The following TTC23L variants were observed in gnomAD, a reference collection of about 807,000 sequenced individuals.
TTC23L encodes the protein tetratricopeptide repeat domain 23 like.
In TTC23L, 42 loss-of-function variants were observed where a neutral mutation model predicts 48.1. The observed-to-expected ratio is 0.87, with a 90% confidence interval of 0.68 to 1.13. The LOEUF (loss-of-function observed/expected upper bound fraction) is 1.13, where lower values mean the gene tolerates loss of function less well. TTC23L is among the 50% of genes most tolerant of loss of function. The pLI, the probability that TTC23L is intolerant of heterozygous loss-of-function variation, is 0.00. For synonymous variants in TTC23L, 159 were observed against 157.2 expected, an observed-to-expected ratio of 1.01 and a Z score of -0.09; for missense variants, 391 against 421.0, an observed-to-expected ratio of 0.93 and a Z score of 0.62.
intron 8 of TTC23L, chr5:34,869,572 A>G (rs140982691): frequency 1.1e-3 from 178 of 161,598 alleles, no homozygotes; most frequent in African/African-American, 4.0e-3. Flanking sequence ...AAATGAACCA[A>G]TGAGGGAGGA....
intron 4 of TTC23L, among the ~76,000 whole-genome samples, chr5:34,858,623 A>G (rs1479431765): frequency 6.6e-6 from 1 of 152,104 alleles, no homozygotes; most frequent in Non-Finnish European, 1.5e-5. Context: ...ATTGTGTACA[A>G]CAGTATTGAT....
At chr5:34,908,746 T>C in the TTC23L span, 24 of 1,565,982 alleles carry the variant, frequency 1.5e-5, no homozygotes, top group Non-Finnish European at 1.9e-5. Context: ...TACACATAAA[T>C]ATCAGTGAAT....
At chr5:34,880,269 A>C (rs1762134359) in exon 9 of TTC23L, 2 of 1,613,360 alleles carry the variant, frequency 1.2e-6, no homozygotes, top group East Asian at 4.5e-5. Flanking sequence ...GCACCACTGA[A>C]GAATTTTGCA....
At chr5:34,875,804 A>G (rs1215087357) in intron 8 of TTC23L, among the ~76,000 whole-genome samples, 1 of 152,154 alleles carries the variant, frequency 6.6e-6, no homozygotes, top group African/African-American at 2.4e-5. Flanking sequence ...ATTGACATCT[A>G]TTGACTACTG....
Position 34,868,756 on chromosome 5 carries a change from A to T in TTC23L, c.841-149A>T, listed in dbSNP as rs184098455. On this transcript the variant is annotated intron_variant, in intron 7 of 10. Coordinates refer to ENST00000505624, the Ensembl canonical transcript of TTC23L. ...CCAAACCCTAATCAGTGGGAATTATATATTCCTTCTACGAATGAAGGTGAA... is the reference window on the plus strand; with the variant it reads ...CCAAACCCTAATCAGTGGGAATTATTTATTCCTTCTACGAATGAAGGTGAA... 4.9e-4 allele frequency: 324 copies of T among 663,814 alleles called. No homozygotes were observed. In the African/African-American group the frequency reaches 5.3e-3, roughly 11 times the overall value. 41.1% of individuals were successfully genotyped at this position (663,814 alleles called of 1,614,324 possible).
At chr5:34,872,975 C>T (rs995326524) in intron 8 of TTC23L, among the ~76,000 whole-genome samples, 1 of 151,776 alleles carries the variant, frequency 6.6e-6, no homozygotes. Context: ...AGACAGGAGA[C>T]TTGCTTGAGC....
rs375509802 is a variant in TTC23L, at chr5:34,863,074, T to C, written c.536+20T>C. 4.3e-6 allele frequency: 7 copies of C among 1,613,268 alleles called. No individual in the cohort carries two copies. The Admixed American group carries it at 5.0e-5, about 12-fold the overall frequency. ...GAACCGATATCCTTCCATTCCTAGC[T>C]GCGTTTAGTGTTCGGGGCCACAGGC... On this transcript the variant is annotated intron_variant, in intron 5 of 10. Coordinates refer to ENST00000505624, the Ensembl canonical transcript of TTC23L. This position sits in a 1 kb window ranked among gnomAD's most constrained non-coding sequence, Gnocchi z 4.1.
intron 8 of TTC23L, among the ~76,000 whole-genome samples, chr5:34,879,547 AAT>A (rs1351330172): frequency 6.6e-6 from 1 of 152,208 alleles, no homozygotes; most frequent in Non-Finnish European, 1.5e-5. Flanking sequence ...TTTAGCTAAA[AAT>A]ATAGTCTTGC....
chr5:34,896,983 C>A, intron 10 of TTC23L, 108 bp downstream of exon 10: 2 of 514,282 alleles, frequency 3.9e-6, no homozygotes, highest in Non-Finnish European at 7.0e-6. Flanking sequence ...AAGAAAGGCT[C>A]TGTAGCAGAA....
intron 8 of TTC23L, among the ~76,000 whole-genome samples, chr5:34,874,234 A>T (rs934251480): frequency 2.0e-5 from 3 of 152,188 alleles, no homozygotes; most frequent in Non-Finnish European, 4.4e-5. Flanking sequence ...ATATTAAAAG[A>T]AGTTCTTCAG....
At chr5:34,845,421 T>TC (rs1466737305) in intron 2 of TTC23L, 66 bp from the exon 3 acceptor site, 1 of 1,520,660 alleles carries the variant, frequency 6.6e-7, no homozygotes, top group East Asian at 2.3e-5. Context: ...GCTATGCCCT[T>TC]CAATTTTACC....
the TTC23L span, chr5:34,925,177 A>G: frequency 1.3e-6 from 2 of 1,500,424 alleles, no homozygotes; most frequent in Non-Finnish European, 1.8e-6. Context: ...CTTATATAAA[A>G]TGTTTATTTT....
chr5:34,848,686 G>A (rs1759419157), intron 3 of TTC23L, among the ~76,000 whole-genome samples: 1 of 152,066 alleles, frequency 6.6e-6, no homozygotes, highest in African/African-American at 2.4e-5. Flanking sequence ...CAAGCAGTGG[G>A]AGCAGCACGT....
At chr5:34,873,173 A>G (rs549370331) in intron 8 of TTC23L, among the ~76,000 whole-genome samples, 1 of 152,360 alleles carries the variant, frequency 6.6e-6, no homozygotes, top group South Asian at 2.1e-4. Flanking sequence ...ATACAAAATA[A>G]TACTATTGTT....
intron 3 of TTC23L, among the ~76,000 whole-genome samples, chr5:34,846,596 T>C (rs1468770437): frequency 2.3e-5 from 3 of 131,066 alleles, no homozygotes; most frequent in Admixed American, 7.6e-5. Context: ...TATATATATA[T>C]ATATACACAC....
intron 9 of TTC23L, among the ~76,000 whole-genome samples, chr5:34,881,014 T>A (rs1001232883): frequency 2.6e-5 from 4 of 152,196 alleles, no homozygotes; most frequent in African/African-American, 7.2e-5. Context: ...CTGTAAAATG[T>A]TATTTTTGGT....
At chr5:34,841,592 A>G (rs1758678240) in intron 2 of TTC23L, among the ~76,000 whole-genome samples, 1 of 152,210 alleles carries the variant, frequency 6.6e-6, no homozygotes, top group Non-Finnish European at 1.5e-5. Context: ...ATCACGGCTC[A>G]CTGCAGCCTT....
chr5:34,907,711 A>G, the TTC23L span: 1 of 152,234 alleles, frequency 6.6e-6, no homozygotes, highest in Non-Finnish European at 1.5e-5. Context: ...GAAAACCTGT[A>G]ACACTGAAAA....
intron 8 of TTC23L, among the ~76,000 whole-genome samples, 161 bp from the exon 9 acceptor site, chr5:34,880,020 C>CA (rs1298816924): frequency 2.6e-5 from 4 of 151,700 alleles, no homozygotes; most frequent in African/African-American, 7.3e-5. Context: ...ACAACAACAG[C>CA]AAAAAAACCA....
Sources: gnomAD v4.1 joint callset for allele counts (sites outside exome capture counted in the v4.1 genomes callset) on GRCh38, gnomAD v4.1.1 for gene constraint, Gnocchi (gnomAD v3.1) non-coding constraint, MANE v1.5 for transcripts, NCBI Gene and HGNC (gene_info 2026-07-23, HGNC 2026-07-21) for gene names.